LRRIQ1: variants seen among roughly 807,000 people sequenced by gnomAD.
LRRIQ1 encodes leucine-rich repeat- and IQ domain-containing protein 1.
Under a neutral mutation model 211.9 loss-of-function variants are expected in LRRIQ1, and 210 were observed. The ratio of observed to expected loss-of-function variants is 0.99; its 90% CI spans 0.89 to 1.11. LRRIQ1 has a LOEUF of 1.11. Among genes scored for constraint, LRRIQ1 ranks in the 50% most tolerant of loss-of-function variants. The pLI, the probability that LRRIQ1 is intolerant of heterozygous loss-of-function variation, is 0.00. For synonymous variants in LRRIQ1, 699 were observed against 650.1 expected (o/e 1.08, Z -1.14); for missense variants, 2,136 against 1,939.5 (o/e 1.10, Z -1.90).
intron 26 of LRRIQ1, among the ~76,000 whole-genome samples, chr12:85,241,164 T>A (rs1434239349): frequency 1.3e-5 from 2 of 152,058 alleles, no homozygotes; most frequent in Admixed American, 1.3e-4. Flanking sequence ...CATTGAGGCA[T>A]GCTGGGTGTA....
intron 11 of LRRIQ1, among the ~76,000 whole-genome samples, chr12:85,087,911 T>G (rs1253906193): frequency 6.6e-6 from 1 of 152,226 alleles, no homozygotes; most frequent in Non-Finnish European, 1.5e-5. Context: ...TTCACTCTGA[T>G]GGTAGTTTCT....
chr12:85,223,080 T>C (rs1414235347), intron 24 of LRRIQ1, among the ~76,000 whole-genome samples: 2 of 152,030 alleles, frequency 1.3e-5, no homozygotes, highest in Admixed American at 6.6e-5. Flanking sequence ...AAAACATACT[T>C]TAGTAGGATG....
At chr12:85,102,955 AAAAAATATAT>A (rs1380038659) in intron 13 of LRRIQ1, among the ~76,000 whole-genome samples, 5 of 119,436 alleles carry the variant, frequency 4.2e-5, no homozygotes, top group Non-Finnish European at 8.4e-5. Context: ...AAAAAAAAAA[AAAAAATATAT>A]ATATATATAT....
At chr12:85,169,224 A>G (rs997481863) in intron 24 of LRRIQ1, among the ~76,000 whole-genome samples, 1 of 152,224 alleles carries the variant, frequency 6.6e-6, no homozygotes, top group Non-Finnish European at 1.5e-5. Flanking sequence ...GAAGGATAAA[A>G]TAGCAAAATC....
chr12:85,257,096 A>T (rs1434035700), intron 1 of LRRIQ1, among the ~76,000 whole-genome samples: 4 of 115,632 alleles, frequency 3.5e-5, no homozygotes, highest in Non-Finnish European at 5.1e-5. Flanking sequence ...ATATTATATA[A>T]TTATATAAAT....
intron 24 of LRRIQ1, among the ~76,000 whole-genome samples, chr12:85,192,860 G>C (rs1310274954): frequency 1.1e-5 from 1 of 91,358 alleles, no homozygotes; most frequent in African/African-American, 4.6e-5. Context: ...AATATATATA[G>C]TTATATATTA....
intron 24 of LRRIQ1, among the ~76,000 whole-genome samples, chr12:85,209,805 A>G (rs866135842): frequency 1.3e-5 from 2 of 152,140 alleles, no homozygotes; most frequent in African/African-American, 4.8e-5. Context: ...CACAACATCC[A>G]TGAAAAAAAA....
Position 85,175,983 on chromosome 12 carries a change from G to A in LRRIQ1, c.4822+15269G>A, listed in dbSNP as rs1042123193. Among the ~76,000 whole-genome samples the A allele has an allele frequency of 5.9e-5, 9 of 152,012 alleles. 1 individual carries two copies. The highest frequency in any genetic ancestry group is 1.0e-4 in the Non-Finnish European group (7 of 67,990). ...CTTTTGGCTTAGGATTGACTTGGCG[G>A]TGCGGGCTCTTTTTTGATTCCATAT... On this transcript the variant is annotated intron_variant, in intron 24 of 26. Coordinates refer to ENST00000393217, the MANE Select transcript of LRRIQ1 (RefSeq NM_001079910.2).
intron 15 of LRRIQ1, among the ~76,000 whole-genome samples, chr12:85,118,882 T>G (rs144077318): frequency 3.3e-5 from 5 of 152,222 alleles, no homozygotes; most frequent in African/African-American, 1.2e-4. Context: ...AGAGTAGTCA[T>G]AGGTTAACAG....
intron 11 of LRRIQ1, among the ~76,000 whole-genome samples, chr12:85,083,686 C>G (rs1452651939): frequency 6.6e-6 from 1 of 152,268 alleles, no homozygotes; most frequent in East Asian, 1.9e-4. Context: ...GATCTGCCTG[C>G]CTTGGCCTCC....
intron 24 of LRRIQ1, among the ~76,000 whole-genome samples, chr12:85,173,662 AAG>A (rs148337131): frequency 0.012 from 1,772 of 147,688 alleles, 18 homozygotes; most frequent in Middle Eastern, 0.017. Context: ...CACACACAGA[AAG>A]AGAGAGAGAG....
intron 24 of LRRIQ1, among the ~76,000 whole-genome samples, chr12:85,198,754 G>C (rs1310885603): frequency 6.6e-6 from 1 of 152,044 alleles, no homozygotes; most frequent in Non-Finnish European, 1.5e-5. Context: ...ATTTTTAGTA[G>C]AGACGGGGTT....
chr12:85,230,179 G>C (rs546163311), intron 25 of LRRIQ1, among the ~76,000 whole-genome samples: 1 of 152,090 alleles, frequency 6.6e-6, no homozygotes, highest in African/African-American at 2.4e-5. Flanking sequence ...TAGCAACAAG[G>C]TACCTTAAAT....
chr12:85,189,205 T>C (rs1354902861), intron 24 of LRRIQ1, among the ~76,000 whole-genome samples: 1 of 152,140 alleles, frequency 6.6e-6, no homozygotes, highest in Admixed American at 6.6e-5. Flanking sequence ...TGATTAGCTC[T>C]TGGGGCCTCC....
intron 13 of LRRIQ1, among the ~76,000 whole-genome samples, chr12:85,100,785 G>A (rs1298644456): frequency 6.6e-6 from 1 of 151,512 alleles, no homozygotes; most frequent in East Asian, 1.9e-4. Flanking sequence ...AAGGACATAT[G>A]GAATACTAAA....
chr12:85,256,383 T>G (rs1279542920), intron 1 of LRRIQ1, among the ~76,000 whole-genome samples: 2 of 151,718 alleles, frequency 1.3e-5, no homozygotes, highest in Non-Finnish European at 3.0e-5. Flanking sequence ...TTGTTATTTT[T>G]TTCTTTCAAA....
intron 10 of LRRIQ1, among the ~76,000 whole-genome samples, chr12:85,071,966 A>C (rs143766678): frequency 1.8e-3 from 270 of 152,154 alleles, no homozygotes; most frequent in African/African-American, 5.9e-3. Context: ...ATTGCCATTT[A>C]GTACTTTTAC....
chr12:85,169,206 C>T (rs1039280444), intron 24 of LRRIQ1, among the ~76,000 whole-genome samples: 18 of 152,028 alleles, frequency 1.2e-4, no homozygotes, highest in African/African-American at 4.3e-4. Context: ...CCTGCATTTG[C>T]AAGGAATGAA....
At chr12:85,071,195 G>T (rs1183085050) in intron 10 of LRRIQ1, among the ~76,000 whole-genome samples, 1 of 151,646 alleles carries the variant, frequency 6.6e-6, no homozygotes, top group Non-Finnish European at 1.5e-5. Context: ...TGGAATTTTT[G>T]TATAATATGT....
Sources: allele counts gnomAD v4.1 joint callset (sites outside exome capture counted in the v4.1 genomes callset), GRCh38; gene constraint gnomAD v4.1.1; transcripts MANE v1.5; gene names NCBI Gene and HGNC (gene_info 2026-07-23, HGNC 2026-07-21).